The following CEMIP variants were observed in gnomAD, a reference collection of about 807,000 sequenced individuals.
The protein encoded by CEMIP is cell migration-inducing and hyaluronan-binding protein.
Under a neutral mutation model 156.9 loss-of-function variants are expected in CEMIP, and 105 were observed. The ratio of observed to expected loss-of-function variants is 0.67; its 90% confidence interval spans 0.57 to 0.79. The LOEUF is 0.79. Among genes scored for constraint, CEMIP ranks in the 30% least tolerant of loss-of-function variants. CEMIP has a pLI of 0.00. For missense variants in CEMIP, 1,457 were observed against 1,769.4 expected (o/e 0.82, Z 3.17); for synonymous variants, 676 against 668.4 (o/e 1.01, Z -0.17).
chr15:80,911,000 A>G (rs1172331174), intron 14 of CEMIP, among the ~76,000 whole-genome samples: 1 of 152,262 alleles, frequency 6.6e-6, no homozygotes, highest in African/African-American at 2.4e-5. Context: ...CTCTGGAGCC[A>G]GACTTCCTGG....
In CEMIP at chr15:80,943,004, G is replaced by A. The variant is rs1901402402; in HGVS notation, c.3759G>A (p.Gly1253=). The change falls in exon 28 of 30, where the codon GGG becomes GGA. Residue 1253 remains glycine (G), a synonymous_variant. Transcript: ENST00000394685. The stretch of plus-strand genomic sequence containing the variant: ...GCATCCAGGTGGTGGTGATTGACGG[G>A]AACCAAGGGCGCGTGGTGAGCCACA... The part of the protein sequence containing the change: ...EDGIQVVVID[G]NQGRVVSHTS... The A allele has an allele frequency of 1.9e-6, 3 of 1,614,092 alleles. No homozygotes were observed. The highest frequency in any genetic ancestry group is 2.7e-5 in the African/African-American group (2 of 74,926).
At chr15:80,918,600 G>T (rs1900359794) in intron 14 of CEMIP, among the ~76,000 whole-genome samples, 1 of 152,182 alleles carries the variant, frequency 6.6e-6, no homozygotes. Context: ...GTACTGAATA[G>T]GTGTGGGTTG....
chr15:80,848,244 C>T (rs559654717), intron 1 of CEMIP, among the ~76,000 whole-genome samples: 1 of 152,310 alleles, frequency 6.6e-6, no homozygotes, highest in African/African-American at 2.4e-5. Flanking sequence ...CTCCTCCTAT[C>T]TGGCCTCGTC....
At position 80,779,589 on chromosome 15, in the gene CEMIP, A is replaced by C. The variant is rs1381750881; in HGVS notation, c.-201A>C. The C allele has an allele frequency of 6.6e-6, 1 of 152,094 alleles. No individual in the cohort carries two copies. The highest frequency in any genetic ancestry group is 1.5e-5 in the Non-Finnish European group (1 of 68,032). The allele number at this position is 152,094 out of a possible 1,614,324, so 9.4% of individuals were successfully genotyped here. ...CTGCGCTCCTGGCCCGCGAGGCGTG[A>C]CACTGTCTCGGCTACAGACCCAGAG... On this transcript the variant is annotated 5_prime_UTR_variant, in exon 1 of 30. Transcript: ENST00000394685.
At chr15:80,927,041 G>C (rs1243630416) in intron 19 of CEMIP, among the ~76,000 whole-genome samples, 3 of 152,184 alleles carry the variant, frequency 2.0e-5, no homozygotes, top group African/African-American at 7.2e-5. Context: ...ACATTGGCCA[G>C]GCTGGTCGCA....
chr15:80,792,478 T>C (rs561002586), intron 1 of CEMIP, among the ~76,000 whole-genome samples: 51 of 152,336 alleles, frequency 3.3e-4, no homozygotes, highest in African/African-American at 1.2e-3. Flanking sequence ...TTACTTCACC[T>C]TTCTGTGCCT....
At chr15:80,829,108 C>T (rs879897743) in intron 1 of CEMIP, among the ~76,000 whole-genome samples, 1 of 152,170 alleles carries the variant, frequency 6.6e-6, no homozygotes, top group Non-Finnish European at 1.5e-5. Context: ...CTGCTCCAGG[C>T]CTTCTCTGTT....
chr15:80,874,079 T>G, intron 3 of CEMIP, 106 bp downstream of exon 3: 1 of 1,048,612 alleles, frequency 9.5e-7, no homozygotes, highest in Non-Finnish European at 1.4e-6. Flanking sequence ...GCCGTGGGAG[T>G]GGGTCAGGGT....
intron 16 of CEMIP, 67 bp from the exon 17 acceptor site, chr15:80,921,942 G>A (rs1900488519): frequency 6.2e-7 from 1 of 1,610,052 alleles, no homozygotes; most frequent in Non-Finnish European, 8.5e-7. Context: ...GGGCCGCGTG[G>A]CCACCTTGCC....
intron 1 of CEMIP, among the ~76,000 whole-genome samples, chr15:80,787,217 T>C (rs1238506794): frequency 6.6e-6 from 1 of 152,252 alleles, no homozygotes; most frequent in Non-Finnish European, 1.5e-5. Context: ...AAGAGCCCCT[T>C]CTGGGCCTGG....
intron 1 of CEMIP, among the ~76,000 whole-genome samples, chr15:80,803,005 G>A (rs72738223): frequency 0.087 from 13,265 of 152,212 alleles, 776 homozygotes; most frequent in Non-Finnish European, 0.13. Context: ...CACAGTTCTG[G>A]AGGCTAGAAG....
At chr15:80,807,915 G>A (rs1896555373) in intron 1 of CEMIP, among the ~76,000 whole-genome samples, 1 of 152,118 alleles carries the variant, frequency 6.6e-6, no homozygotes, top group African/African-American at 2.4e-5. Context: ...GGGAGCACCT[G>A]TGTGCTCCTG....
chr15:80,898,826 C>A (rs114838303), intron 12 of CEMIP, among the ~76,000 whole-genome samples: 47 of 152,340 alleles, frequency 3.1e-4, no homozygotes, highest in African/African-American at 1.1e-3. Context: ...TTGCACACTT[C>A]CCCCACCCTT....
chr15:80,833,645 A>G (rs1039671002), intron 1 of CEMIP, among the ~76,000 whole-genome samples: 1 of 150,058 alleles, frequency 6.7e-6, no homozygotes, highest in African/African-American at 2.4e-5. Context: ...CATTTGTAGT[A>G]GGAGCAGCAG....
chr15:80,909,519 T>C (rs1312614937), intron 14 of CEMIP: 1 of 647,814 alleles, frequency 1.5e-6, no homozygotes, highest in Non-Finnish European at 2.8e-6. Flanking sequence ...CAAGCAGAGA[T>C]GGGAGAGTGA....
At chr15:80,942,139 T>G in intron 26 of CEMIP, 86 bp downstream of exon 26, 1 of 1,491,984 alleles carries the variant, frequency 6.7e-7, no homozygotes, top group Non-Finnish European at 9.4e-7. Flanking sequence ...CCAGACCCAA[T>G]TAGGTCCCTC....
At chr15:80,928,302 C>T (rs1900768869) in intron 19 of CEMIP, among the ~76,000 whole-genome samples, 1 of 152,112 alleles carries the variant, frequency 6.6e-6, no homozygotes, top group Non-Finnish European at 1.5e-5. Context: ...CAGAAGCATG[C>T]TCATCTGACC....
intron 23 of CEMIP, among the ~76,000 whole-genome samples, chr15:80,935,418 T>TA (rs1291033114): frequency 6.6e-6 from 1 of 152,322 alleles, no homozygotes; most frequent in East Asian, 1.9e-4. Flanking sequence ...AGCTCATCGT[T>TA]AGAGCTTGCC....
chr15:80,901,049 G>A (rs72740126), intron 12 of CEMIP: 29,224 of 446,576 alleles, frequency 0.065, 1,211 homozygotes, highest in Non-Finnish European at 0.09. Flanking sequence ...GTCAACCACA[G>A]TATGATTACC....
Sources: allele counts gnomAD v4.1 joint callset (sites outside exome capture counted in the v4.1 genomes callset), GRCh38; gene constraint gnomAD v4.1.1; transcripts MANE v1.5; gene names NCBI Gene and HGNC (gene_info 2026-07-23, HGNC 2026-07-21).